The following MIOX variants were observed in gnomAD, a reference collection of about 807,000 sequenced individuals.
MIOX encodes inositol oxygenase.
MIOX carries 51 observed loss-of-function variants against 42.7 expected under a neutral mutation model. That is an observed-to-expected ratio of 1.19 (90% CI 0.95 to 1.51). The LOEUF is 1.51. Ranked by LOEUF, MIOX falls within the 40% of genes most tolerant of loss-of-function variation. MIOX has a pLI of 0.00. For missense variants in MIOX, 395 were observed against 381.3 expected (o/e 1.04, Z -0.30); for synonymous variants, 168 against 154.4 (o/e 1.09, Z -0.65).
Position 50,489,020 on chromosome 22 carries a change from T to TCCCTCCTGC in MIOX, c.409-12_409-11insCCCCTCCTG. On this transcript the variant is annotated intron_variant, in intron 5 of 9. Transcript: ENST00000216075. ...CCCCCACTCCCCCCATGGCCTCCCG[T>TCCCTCCTGC]CCCTCCTGTCCCTCTGCAGTGGGCT... 1 of 1,590,908 alleles carries TCCCTCCTGC rather than the reference T, an allele frequency of 6.3e-7. No individual in the cohort carries two copies. The highest frequency in any genetic ancestry group is 8.6e-7 in the Non-Finnish European group (1 of 1,168,150).
In MIOX at chr22:50,489,757, C is replaced by T; in HGVS notation, c.759C>T (p.Asp253=). The T allele has an allele frequency of 6.2e-7, 1 of 1,612,018 alleles. No individual in the cohort carries two copies. Among genetic ancestry groups the T allele is most frequent in the Non-Finnish European group, 8.5e-7 (1 of 1,179,896 alleles). The change falls in exon 10 of 10, where the codon GAC becomes GAT. Residue 253 remains aspartate (D), a synonymous_variant. Transcript: ENST00000216075. ...CCCCTCCCTGCTGCAGCAAGTTCGACCTCTACACCAAGTGCCCGGACCTGC... is the reference window on the plus strand; with the variant it reads ...CCCCTCCCTGCTGCAGCAAGTTCGATCTCTACACCAAGTGCCCGGACCTGC... ...LPWVREFNKF[D]LYTKCPDLPD... is the part of the protein sequence containing the mutation.
rs1047333478 is a variant in MIOX, at chr22:50,489,938, G to A, written c.*82G>A. On this transcript the variant is annotated 3_prime_UTR_variant, in exon 10 of 10. Transcript: ENST00000216075. ...GAGGCCTGGCCCTGGGCAAACAGCC[G>A]CCATCAGGGTTCACCTCGGTGGGGG... is the stretch of plus-strand genomic sequence containing the variant. 93 of 1,361,140 alleles carry A rather than the reference G, an allele frequency of 6.8e-5. No individual in the cohort carries two copies. Among genetic ancestry groups the A allele is most frequent in the East Asian group, 9.3e-5 (4 of 43,070 alleles). The allele number at this position is 1,361,140 out of a possible 1,614,324, so 84.3% of individuals were successfully genotyped here.
At chr22:50,489,720 C>A in intron 9 of MIOX, 28 bp from the exon 10 acceptor site, 1 of 1,608,886 alleles carries the variant, frequency 6.2e-7, no homozygotes, top group South Asian at 1.1e-5. Context: ...GGGTTCTTCA[C>A]GGGGCTCACC....
At chr22:50,488,631 G>A (rs1183405036) in intron 5 of MIOX, among the ~76,000 whole-genome samples, 4 of 111,440 alleles carry the variant, frequency 3.6e-5, no homozygotes, top group Admixed American at 2.1e-4. Flanking sequence ...CACCCCCCAC[G>A]GCCTCCCCGC....
Position 50,487,465 on chromosome 22 carries a change from G to A in MIOX, c.96G>A (p.Thr32=), listed in dbSNP as rs139085262. ...ACAAGGCCAGCTTCCGGAACTACACGGTGAGTACCTTGCCGTCCTGCCCCC... is the reference window on the plus strand; with the variant it reads ...ACAAGGCCAGCTTCCGGAACTACACAGTGAGTACCTTGCCGTCCTGCCCCC... ...AKDKASFRNY[T]SGPLLDRVFT... is the part of the protein sequence containing the mutation. Residue 32 remains threonine, a splice_region_variant and synonymous_variant, in exon 2 of 10, where the codon ACG becomes ACA. Transcript: ENST00000216075. 6 of 1,613,118 alleles carry A rather than the reference G, an allele frequency of 3.7e-6. No homozygotes were observed. The highest frequency in any genetic ancestry group is 1.6e-4 in the Middle Eastern group (1 of 6,076).
chr22:50,489,157 C>G lies in MIOX; in HGVS notation c.518+8C>G. On this transcript the variant is annotated splice_region_variant and intron_variant, in intron 6 of 9. Coordinates refer to ENST00000216075, the MANE Select transcript of MIOX (RefSeq NM_017584.6). ...CCAGGATCCTCGATACAGGTGCTCCCTGCTGCTGAGGGCTGGGCCCCCTTC... is the reference window on the plus strand; with the variant it reads ...CCAGGATCCTCGATACAGGTGCTCCGTGCTGCTGAGGGCTGGGCCCCCTTC... The G allele has an allele frequency of 1.2e-6, 2 of 1,613,088 alleles. No homozygotes were observed. The highest frequency in any genetic ancestry group is 1.7e-6 in the Non-Finnish European group (2 of 1,179,820).
At position 50,489,154 on chromosome 22, in the gene MIOX, T is replaced by TAC. The variant is rs2068324476; in HGVS notation, c.518+5_518+6insAC. ...CCTCCAGGATCCTCGATACAGGTGC[T>TAC]CCCTGCTGCTGAGGGCTGGGCCCCC... On this transcript the variant is annotated splice_donor_region_variant and intron_variant, in intron 6 of 9. Coordinates refer to ENST00000216075, the MANE Select transcript of MIOX (RefSeq NM_017584.6). 1.9e-6 allele frequency: 3 copies of TAC among 1,612,928 alleles called. No individual in the cohort carries two copies. The highest frequency in any genetic ancestry group is 2.7e-5 in the African/African-American group (2 of 74,800).
intron 2 of MIOX, 84 bp downstream of exon 2, chr22:50,487,549 T>A (rs1249018077): frequency 6.5e-7 from 1 of 1,545,466 alleles, no homozygotes; most frequent in East Asian, 2.3e-5. Context: ...TTCCAGGGGG[T>A]GCCCTGTGGG....
chr22:50,488,388 G>C (rs759268413), intron 5 of MIOX, 46 bp downstream of exon 5: 1 of 1,505,904 alleles, frequency 6.6e-7, no homozygotes, highest in South Asian at 1.2e-5. Context: ...GTTGAGGCAA[G>C]GTGGGGGTGG....
rs572267297 is a variant in MIOX, at chr22:50,486,988, G to C, written c.15+76G>C. On this transcript the variant is annotated intron_variant, in intron 1 of 9. Coordinates refer to ENST00000216075, the MANE Select transcript of MIOX (RefSeq NM_017584.6). Reference sequence around the variant, plus strand: ...GGCCAGCCACTCCCGCCCTCTTCTAGCTGGCACTGGCCAGCCCTCCTCCTC... The same window carrying C: ...GGCCAGCCACTCCCGCCCTCTTCTACCTGGCACTGGCCAGCCCTCCTCCTC... The C allele has an allele frequency of 2.5e-6, 4 of 1,575,806 alleles. No homozygotes were observed. In the East Asian group the frequency reaches 6.8e-5, roughly 27 times the overall value.
In MIOX at chr22:50,489,851, TG is replaced by T. The variant is rs1234111039; in HGVS notation, c.855del (p.Trp285CysfsTer154). The T allele has an allele frequency of 6.2e-7, 1 of 1,609,890 alleles. No individual in the cohort carries two copies. Among genetic ancestry groups the T allele is most frequent in the Non-Finnish European group, 8.5e-7 (1 of 1,179,736 alleles). ...CAAGTACTGCCCTGGCATCCTGAGC[TG>T]GTGACCCTCCTGCCACCCAAGCTGC... is the stretch of plus-strand genomic sequence containing the variant. ...IDKYCPGILS[W>X] On this transcript the variant is annotated frameshift_variant, in exon 10 of 10. Coordinates refer to ENST00000216075, the MANE Select transcript of MIOX (RefSeq NM_017584.6). LOFTEE classifies it high-confidence loss of function.
At position 50,490,321 on chromosome 22, in the gene MIOX, C is replaced by G. The variant is rs1233212926; in HGVS notation, c.*465C>G. The G allele has an allele frequency of 5.5e-6, 1 of 181,846 alleles. No homozygotes were observed. The highest frequency in any genetic ancestry group is 1.2e-5 in the Non-Finnish European group (1 of 84,452). 11.3% of individuals were successfully genotyped at this position (181,846 alleles called of 1,614,324 possible). ...AAAATAATACATTCATAGAAAACAA[C>G]AAAAAACAAATGCAGGCTGGGCACA... On this transcript the variant is annotated 3_prime_UTR_variant, in exon 10 of 10. Transcript: ENST00000216075.
chr22:50,489,674 G>A (rs1393622827), intron 9 of MIOX, 30 bp downstream of exon 9: 3 of 1,601,400 alleles, frequency 1.9e-6, no homozygotes, highest in East Asian at 2.2e-5. Context: ...GAGGGGTGTT[G>A]TGGGAGTGAA....
intron 9 of MIOX, 27 bp downstream of exon 9, chr22:50,489,671 G>A: frequency 8.2e-7 from 1 of 1,219,926 alleles, no homozygotes; most frequent in Non-Finnish European, 1.2e-6. Context: ...GCCGAGGGGT[G>A]TTGTGGGAGT....
chr22:50,487,022 T>G, intron 1 of MIOX, 110 bp downstream of exon 1: 1 of 1,438,400 alleles, frequency 7.0e-7, no homozygotes, highest in Non-Finnish European at 9.7e-7. Context: ...TCCGTCCAGC[T>G]GGGCAAGAGC....
At chr22:50,488,747 TG>T (rs2068311559) in intron 5 of MIOX, among the ~76,000 whole-genome samples, 1 of 82,130 alleles carries the variant, frequency 1.2e-5, no homozygotes, top group African/African-American at 4.9e-5. Flanking sequence ...CCCCCATGGC[TG>T]CCTGTCCCTC....
At position 50,488,034 on chromosome 22, in the gene MIOX, CCCACCCAGACAAGGGTGAG is replaced by C; in HGVS notation, c.329_340+7del. On this transcript the variant is annotated splice_donor_variant and splice_donor_5th_base_variant and coding_sequence_variant and intron_variant, in exon 4 of 10. Transcript: ENST00000216075. LOFTEE classifies it high-confidence loss of function. The stretch of plus-strand genomic sequence containing the variant: ...CAGACAGCGGAGGGCATCCGGAAGG[CCCACCCAGACAAGGGTGAG>C]CCCTGGCTGTGCTGCAGGGGGGCAG... 1 of 1,613,644 alleles carries C rather than the reference CCCACCCAGACAAGGGTGAG, an allele frequency of 6.2e-7. No individual in the cohort carries two copies. Among genetic ancestry groups the C allele is most frequent in the African/African-American group, 1.3e-5 (1 of 75,058 alleles).
chr22:50,487,319 G>T (rs553288360), intron 1 of MIOX, 66 bp from the exon 2 acceptor site: 1 of 1,374,166 alleles, frequency 7.3e-7, no homozygotes, highest in Admixed American at 1.9e-5. Flanking sequence ...GCCACCCTGG[G>T]AATGTCTGTG....
At position 50,489,528 on chromosome 22, in the gene MIOX, G is replaced by A. The variant is rs374372518; in HGVS notation, c.637-4G>A. 112 of 1,612,306 alleles carry A rather than the reference G, an allele frequency of 6.9e-5. No individual in the cohort carries two copies. Among genetic ancestry groups the A allele is most frequent in the Admixed American group, 3.2e-4 (19 of 59,962 alleles). The stretch of plus-strand genomic sequence containing the variant: ...AGTGAGCCGCTGGGTGGCCTTGCCC[G>A]CAGGCTTTCTACATGATCCGGTTCC... On this transcript the variant is annotated splice_polypyrimidine_tract_variant and splice_region_variant and intron_variant, in intron 8 of 9. Coordinates refer to ENST00000216075, the MANE Select transcript of MIOX (RefSeq NM_017584.6).
Sources: allele counts gnomAD v4.1 joint callset (sites outside exome capture counted in the v4.1 genomes callset), GRCh38; gene constraint gnomAD v4.1.1; transcripts MANE v1.5; gene names NCBI Gene and HGNC (gene_info 2026-07-23, HGNC 2026-07-21).